The following STEAP3 variants were observed in gnomAD, a reference collection of about 807,000 sequenced individuals.
STEAP3 encodes the protein metalloreductase STEAP3.
In STEAP3, 35 loss-of-function variants were observed where a neutral mutation model predicts 34.9. The ratio of observed to expected loss-of-function variants is 1.00; its 90% confidence interval spans 0.76 to 1.33. The LOEUF (loss-of-function observed/expected upper bound fraction) is 1.33. STEAP3 is among the 40% of genes most tolerant of loss of function. The pLI is 0.00. For missense variants in STEAP3, 652 were observed against 667.6 expected (o/e 0.98, Z 0.26); for synonymous variants, 281 against 301.6 (o/e 0.93, Z 0.71).
Position 119,240,538 on chromosome 2 carries a change from T to G in STEAP3, c.23-4951T>G, listed in dbSNP as rs369357028. On this transcript the variant is annotated intron_variant, in intron 2 of 5. Transcript: ENST00000393110. ...AGGCCATGGGGCTGTGGATGTCATGTGGCCAACTGTTAGTGGCCTGCGCAA... is the reference window on the plus strand; with the variant it reads ...AGGCCATGGGGCTGTGGATGTCATGGGGCCAACTGTTAGTGGCCTGCGCAA... Among the ~76,000 whole-genome samples the G allele has an allele frequency of 5.2e-4, 80 of 152,384 alleles. 3 individuals carry two copies. In the East Asian group the frequency reaches 0.011, roughly 22 times the overall value.
intron 2 of STEAP3, chr2:119,244,829 T>C (rs920654123): frequency 6.6e-6 from 1 of 152,350 alleles, no homozygotes; most frequent in Non-Finnish European, 1.5e-5. Context: ...TAGGGGCCCA[T>C]TCACTTGTCT....
rs536899543 is a variant in STEAP3 at position 119,251,799 on chromosome 2, G to T, written c.1051-2885G>T. ...GAGCTCATTCCTCTCGGCTTGGAAC[G>T]CCCACCCCAGGACACCTTGACAGCT... On this transcript the variant is annotated intron_variant, in intron 4 of 5. Coordinates refer to ENST00000393110, the MANE Select transcript of STEAP3 (RefSeq NM_182915.3). Among the ~76,000 whole-genome samples, 391 of 152,180 alleles carry T rather than the reference G, an allele frequency of 2.6e-3. 3 individuals carry two copies. Among genetic ancestry groups the T allele is most frequent in the African/African-American group, 8.9e-3 (371 of 41,524 alleles).
chr2:119,264,281 G>A lies in STEAP3; in HGVS notation c.*943G>A, dbSNP rs1387733629. 6.6e-6 allele frequency: 1 copy of A among 152,598 alleles called. No homozygotes were observed. The highest frequency in any genetic ancestry group is 1.5e-5 in the Non-Finnish European group (1 of 68,076). 9.5% of individuals were successfully genotyped at this position (152,598 alleles called of 1,614,324 possible). On this transcript the variant is annotated 3_prime_UTR_variant, in exon 6 of 6. Transcript: ENST00000393110. ...GGGGAGAGCAAGAGAAAACACTCTA[G>A]GGAGTAAAGCTCCCCGGGCGTCAGA...
chr2:119,263,367 G>A lies in STEAP3; in HGVS notation c.*29G>A. 2 of 1,602,484 alleles carry A rather than the reference G, an allele frequency of 1.2e-6. No homozygotes were observed. The highest frequency in any genetic ancestry group is 1.7e-6 in the Non-Finnish European group (2 of 1,174,898). ...GCCTGCCCTGGGCTCTGGACCCCGG[G>A]CACACGAGGGACGGTGCCCTGAGCC... On this transcript the variant is annotated 3_prime_UTR_variant, in exon 6 of 6. Transcript: ENST00000393110.
At chr2:119,258,915 C>G (rs1677862157) in intron 5 of STEAP3, among the ~76,000 whole-genome samples, 1 of 45,858 alleles carries the variant, frequency 2.2e-5, no homozygotes, top group South Asian at 1.1e-3. Flanking sequence ...AGCCACCGCA[C>G]CCAGCCTTCC....
At chr2:119,225,749 G>A (rs934973743) in intron 1 of STEAP3, among the ~76,000 whole-genome samples, 1 of 152,248 alleles carries the variant, frequency 6.6e-6, no homozygotes, top group Non-Finnish European at 1.5e-5. Context: ...TGGCTTTGGA[G>A]TCAGATGGAC....
intron 3 of STEAP3, 156 bp downstream of exon 3, chr2:119,246,144 A>G: frequency 9.5e-7 from 1 of 1,051,952 alleles, no homozygotes; most frequent in Non-Finnish European, 1.3e-6. Flanking sequence ...TGGCTCAAAG[A>G]CATTAATGAT....
intron 5 of STEAP3, chr2:119,257,877 C>A: frequency 3.4e-6 from 1 of 297,360 alleles, no homozygotes; most frequent in Non-Finnish European, 5.0e-6. Flanking sequence ...CGATCCAGAC[C>A]CCAAGAGAGG....
rs1196247063 is a variant in STEAP3, at chr2:119,263,436, GTGCAA to G, written c.*99_*103del. 1 of 1,518,370 alleles carries G rather than the reference GTGCAA, an allele frequency of 6.6e-7. No individual in the cohort carries two copies. The highest frequency in any genetic ancestry group is 1.4e-5 in the African/African-American group (1 of 72,664). 94.1% of individuals were successfully genotyped at this position (1,518,370 alleles called of 1,614,324 possible). A position where few individuals can be genotyped will look rare whatever the true frequency, so the allele number is the denominator to read the frequency against. On this transcript the variant is annotated 3_prime_UTR_variant, in exon 6 of 6. Coordinates refer to ENST00000393110, the MANE Select transcript of STEAP3 (RefSeq NM_182915.3). ...TGGTGGTGCAAAGTGGTATAACTGT[GTGCAA>G]ATAGGAGGTTTGAGGTCCAAATTCC...
intron 2 of STEAP3, among the ~76,000 whole-genome samples, chr2:119,233,489 G>A (rs896999182): frequency 2.6e-5 from 4 of 152,178 alleles, no homozygotes; most frequent in East Asian, 1.9e-4. Flanking sequence ...GTACAAGAGA[G>A]CCCCAGCTAG....
chr2:119,231,945 G>A (rs1676954123), intron 2 of STEAP3, among the ~76,000 whole-genome samples: 1 of 152,172 alleles, frequency 6.6e-6, no homozygotes, highest in African/African-American at 2.4e-5. Flanking sequence ...GGGAGGCTAG[G>A]GGTGGGATAG....
intron 5 of STEAP3, among the ~76,000 whole-genome samples, chr2:119,255,746 T>TAA (rs56050427): frequency 0.071 from 10,468 of 147,790 alleles, 897 homozygotes; most frequent in African/African-American, 0.2. Flanking sequence ...CCTTGCCTCT[T>TAA]AAAAAAAAAA....
chr2:119,250,633 C>T (rs918013456), intron 4 of STEAP3, among the ~76,000 whole-genome samples: 5 of 152,114 alleles, frequency 3.3e-5, no homozygotes, highest in African/African-American at 7.2e-5. Flanking sequence ...GTGGGAAAGA[C>T]GGGGACGGTG....
intron 5 of STEAP3, among the ~76,000 whole-genome samples, chr2:119,259,688 A>G (rs1573582703): frequency 6.6e-6 from 1 of 152,336 alleles, no homozygotes; most frequent in East Asian, 1.9e-4. Context: ...AGTGGCCCAC[A>G]CAGACCAAAC....
At chr2:119,239,210 C>A (rs838091) in intron 2 of STEAP3, among the ~76,000 whole-genome samples, 46,422 of 152,168 alleles carry the variant, frequency 0.31, 7,943 homozygotes, top group Non-Finnish European at 0.4. Context: ...CAGGTCCTTC[C>A]TCTTTCCCTC....
At chr2:119,243,052 G>T (rs543903619) in intron 2 of STEAP3, among the ~76,000 whole-genome samples, 190 of 152,314 alleles carry the variant, frequency 1.2e-3, no homozygotes, top group African/African-American at 4.4e-3. Context: ...GTCTTGGCGG[G>T]TGCCTGCATG....
intron 2 of STEAP3, among the ~76,000 whole-genome samples, chr2:119,231,384 T>TGTGTGTGTGTGTGTG (rs1558742239): frequency 1.2e-4 from 18 of 144,662 alleles, no homozygotes; most frequent in Non-Finnish European, 2.3e-4. Context: ...TGTGTGTGTG[T>TGTGTGTGTGTGTGTG]TTAAGGATGT....
At chr2:119,230,357 C>T (rs1310088472) in intron 1 of STEAP3, among the ~76,000 whole-genome samples, 1 of 151,230 alleles carries the variant, frequency 6.6e-6, no homozygotes, top group Admixed American at 6.6e-5. Flanking sequence ...GTTTGTGGGT[C>T]TGTCTGTCTG....
At chr2:119,234,020 C>T (rs1179654647) in intron 2 of STEAP3, among the ~76,000 whole-genome samples, 1 of 152,316 alleles carries the variant, frequency 6.6e-6, no homozygotes, top group South Asian at 2.1e-4. Flanking sequence ...GGGGAGGGCC[C>T]CTCCGAGGCT....
Sources: allele counts gnomAD v4.1 joint callset (sites outside exome capture counted in the v4.1 genomes callset), GRCh38; gene constraint gnomAD v4.1.1; transcripts MANE v1.5; gene names NCBI Gene and HGNC (gene_info 2026-07-23, HGNC 2026-07-21).